RANBP2: variants seen among roughly 807,000 people sequenced by gnomAD.
RANBP2 encodes E3 SUMO-protein ligase RanBP2.
A neutral mutation model predicts 303.6 loss-of-function variants in RANBP2; 57 were observed. That is an observed-to-expected ratio of 0.19 (90% CI 0.15 to 0.23). The LOEUF is 0.23. RANBP2 is among the 10% of genes least tolerant of loss of function. RANBP2 has a pLI of 1.00. For missense variants in RANBP2, 3,138 were observed against 3,780.8 expected, an observed-to-expected ratio of 0.83 and a Z score of 4.46; for synonymous variants, 1,167 against 1,301.5, an observed-to-expected ratio of 0.90 and a Z score of 2.23.
the RANBP2 span, among the ~76,000 whole-genome samples, chr2:108,861,800 G>A: frequency 2.6e-5 from 4 of 151,606 alleles, no homozygotes; most frequent in Non-Finnish European, 5.9e-5. Context: ...GCCTCCCAAA[G>A]TGCTGGGATT....
At chr2:109,160,491 T>C in the RANBP2 span, among the ~76,000 whole-genome samples, 2 of 152,214 alleles carry the variant, frequency 1.3e-5, no homozygotes, top group African/African-American at 2.4e-5. Flanking sequence ...TGAAAGACCC[T>C]CTGGCAGGGA....
rs547014433 is a variant in RANBP2, at chr2:108,732,282, AT to A, written c.405+813del. Among the ~76,000 whole-genome samples the A allele has an allele frequency of 1.9e-3, 287 of 152,192 alleles. 2 individuals are homozygous for A. The highest frequency in any genetic ancestry group is 6.7e-3 in the African/African-American group (278 of 41,534). ...ACAGAAAGATTCTGTATGCTACTTC[AT>A]TTTTCCCCAATGCTTATACAGGTTG... On this transcript the variant is annotated intron_variant, in intron 4 of 28. Coordinates refer to ENST00000283195, the MANE Select transcript of RANBP2 (RefSeq NM_006267.5).
At chr2:109,406,032 C>T in the RANBP2 span, among the ~76,000 whole-genome samples, 1 of 152,228 alleles carries the variant, frequency 6.6e-6, no homozygotes, top group Middle Eastern at 3.2e-3. Flanking sequence ...GGAGAGGACA[C>T]AGCTGCGGGG....
At chr2:109,188,771 C>G in the RANBP2 span, among the ~76,000 whole-genome samples, 1 of 152,112 alleles carries the variant, frequency 6.6e-6, no homozygotes, top group African/African-American at 2.4e-5. Flanking sequence ...AGAAGCCAAG[C>G]GTTACACTTT....
At chr2:109,101,383 C>G in the RANBP2 span, among the ~76,000 whole-genome samples, 1 of 151,894 alleles carries the variant, frequency 6.6e-6, no homozygotes, top group African/African-American at 2.4e-5. Context: ...AAAAATCAGA[C>G]AGAGGTGGTG....
the RANBP2 span, among the ~76,000 whole-genome samples, chr2:108,878,941 A>G: frequency 6.6e-6 from 1 of 152,246 alleles, no homozygotes. Context: ...GAAATGAAAT[A>G]TATAGATATA....
chr2:108,821,573 C>T, the RANBP2 span, among the ~76,000 whole-genome samples: 3 of 151,966 alleles, frequency 2.0e-5, no homozygotes, highest in African/African-American at 4.8e-5. Context: ...ATCAGTGAAA[C>T]CCAAAGGCAG....
At chr2:108,930,147 C>A in the RANBP2 span, 1 of 1,613,966 alleles carries the variant, frequency 6.2e-7, no homozygotes, top group South Asian at 1.1e-5. Flanking sequence ...CCGGCCCACA[C>A]GGGGGGCACT....
At chr2:109,599,104 T>C in the RANBP2 span, among the ~76,000 whole-genome samples, 1 of 152,052 alleles carries the variant, frequency 6.6e-6, no homozygotes, top group Non-Finnish European at 1.5e-5. Flanking sequence ...ATTCAGTTAT[T>C]CAAGCTAATG....
chr2:109,629,757 G>A, the RANBP2 span, among the ~76,000 whole-genome samples: 1 of 151,926 alleles, frequency 6.6e-6, no homozygotes, highest in Admixed American at 6.6e-5. Flanking sequence ...GTTGCAGTCA[G>A]CCGTGATCAC....
Position 108,742,288 on chromosome 2 carries a change from T to C in RANBP2, c.975+1607T>C, listed in dbSNP as rs1262207309. On this transcript the variant is annotated intron_variant, in intron 7 of 28. Transcript: ENST00000283195. ...TGGGATTACAGGCAGTGAGCCACCA[T>C]GCCCTGCCTAATATAAATCTTTTTA... Among the ~76,000 whole-genome samples, 4 of 151,024 alleles carry C rather than the reference T, an allele frequency of 2.6e-5. No individual in the cohort carries two copies. The East Asian group carries it at 6.0e-4, about 22-fold the overall frequency.
At chr2:108,731,109 C>T (rs896307450) in intron 3 of RANBP2, among the ~76,000 whole-genome samples, 3 of 152,072 alleles carry the variant, frequency 2.0e-5, no homozygotes, top group African/African-American at 7.2e-5. Flanking sequence ...TTTTTGTATT[C>T]AAATGACACA....
chr2:108,799,252 A>G, the RANBP2 span, among the ~76,000 whole-genome samples: 1 of 152,234 alleles, frequency 6.6e-6, no homozygotes, highest in Non-Finnish European at 1.5e-5. Flanking sequence ...TATTTTTGGC[A>G]AGGATATTGT....
the RANBP2 span, among the ~76,000 whole-genome samples, chr2:108,848,962 A>G: frequency 4.6e-5 from 7 of 152,344 alleles, no homozygotes; most frequent in East Asian, 9.6e-4. Context: ...TGCAGTTATT[A>G]TAACTATATC....
the RANBP2 span, among the ~76,000 whole-genome samples, chr2:109,438,815 G>T: frequency 3.9e-5 from 6 of 152,296 alleles, no homozygotes; most frequent in East Asian, 1.2e-3. Context: ...CAGCCAATAT[G>T]CTGATCTGTT....
the RANBP2 span, among the ~76,000 whole-genome samples, chr2:108,917,719 C>A: frequency 6.6e-6 from 1 of 152,134 alleles, no homozygotes; most frequent in East Asian, 1.9e-4. Flanking sequence ...GTGAGGTCAG[C>A]CCCCCACACA....
chr2:109,287,585 C>A, the RANBP2 span, among the ~76,000 whole-genome samples: 1 of 152,200 alleles, frequency 6.6e-6, no homozygotes, highest in African/African-American at 2.4e-5. Context: ...ACTGCATCAT[C>A]TGCACTATAT....
At chr2:108,866,786 G>A in the RANBP2 span, among the ~76,000 whole-genome samples, 3 of 152,028 alleles carry the variant, frequency 2.0e-5, no homozygotes, top group African/African-American at 4.8e-5. Context: ...GGGAGACTGA[G>A]GCAGGAGAAT....
the RANBP2 span, chr2:108,876,281 G>A: frequency 2.3e-6 from 3 of 1,304,868 alleles, no homozygotes; most frequent in Admixed American, 2.2e-5. Context: ...TATAGTATAT[G>A]TGGTGCTTAT....
Sources: allele counts gnomAD v4.1 joint callset (sites outside exome capture counted in the v4.1 genomes callset), GRCh38; gene constraint gnomAD v4.1.1; transcripts MANE v1.5; gene names NCBI Gene and HGNC (gene_info 2026-07-23, HGNC 2026-07-21).